NUTM2D: variants seen among roughly 807,000 people sequenced by gnomAD.
The protein encoded by NUTM2D is NUT family member 2D.
In NUTM2D, 2 loss-of-function variants were observed where a neutral mutation model predicts 43.5. The ratio of observed to expected loss-of-function variants is 0.05; its 90% CI spans 0.02 to 0.14. NUTM2D has a LOEUF of 0.14. Among genes scored for constraint, NUTM2D ranks in the 10% least tolerant of loss-of-function variants. The pLI is 1.00. For synonymous variants in NUTM2D, 24 were observed against 276.6 expected (o/e 0.09, Z 9.06); for missense variants, 48 against 668.7 (o/e 0.07, Z 10.24).
Position 87,366,606 on chromosome 10 carries a change from C to CTGG in NUTM2D, c.2107_2109dup (p.Trp703dup). The CTGG allele has an allele frequency of 1.6e-6, 1 of 615,750 alleles. No homozygotes were observed. The highest frequency in any genetic ancestry group is 2.9e-6 in the Non-Finnish European group (1 of 342,256). The allele number at this position is 615,750 out of a possible 1,614,324, so 38.1% of individuals were successfully genotyped here. On this transcript the variant is annotated inframe_insertion, in exon 7 of 7. Transcript: ENST00000381697. ...TGGGTTCCCAGCACAAGCTTCTGCC[C>CTGG]TGGTGGCTACCCCAGAGCCCTGTCC...
intron 1 of NUTM2D, among the ~76,000 whole-genome samples, chr10:87,359,928 C>T (rs1206414553): frequency 1.9e-4 from 29 of 152,356 alleles, no homozygotes; most frequent in African/African-American, 5.8e-4. Flanking sequence ...GTTCCTAGGG[C>T]GCTGGCTTGG....
At chr10:87,369,934 C>T (rs1197240718), downstream of NUTM2D, 2 of 152,018 alleles carry the variant, frequency 1.3e-5, no homozygotes, top group African/African-American at 2.4e-5. Flanking sequence ...GGCTTGCCCC[C>T]GTTAGTGAAC....
At chr10:87,369,804 A>G (rs1170989640), downstream of NUTM2D, 1 of 151,446 alleles carries the variant, frequency 6.6e-6, no homozygotes, top group Non-Finnish European at 1.5e-5. Context: ...TCTGGGAACC[A>G]GTGCGGCTGG....
downstream of NUTM2D, chr10:87,367,196 T>C (rs1850309727): frequency 1.7e-6 from 2 of 1,173,176 alleles, no homozygotes; most frequent in Non-Finnish European, 1.2e-6. Context: ...TCTTGGAAAA[T>C]GCTCTTGGGG....
At position 87,366,746 on chromosome 10, in the gene NUTM2D, A is replaced by C; in HGVS notation, c.2243A>C (p.Lys748Thr). The C allele has an allele frequency of 7.3e-7, 1 of 1,378,292 alleles. No individual in the cohort carries two copies. The highest frequency in any genetic ancestry group is 1.0e-6 in the Non-Finnish European group (1 of 995,880). 85.4% of individuals were successfully genotyped at this position (1,378,292 alleles called of 1,614,324 possible). A position where few individuals can be genotyped will look rare whatever the true frequency, so the allele number is the denominator to read the frequency against. ...CCTTCTCCTGCCAACAAGGCCAAGA[A>C]GCGACCTCTCTTTGGAAGCCTGTCC... ...LAPSPANKAKKRPLFGSLSPA... is the reference protein window; with the variant it reads ...LAPSPANKAKTRPLFGSLSPA... The change falls in exon 7 of 7, where the codon AAG becomes ACG. Residue 748 changes from lysine to threonine, a missense_variant. Coordinates refer to ENST00000381697, the MANE Select transcript of NUTM2D (RefSeq NM_001382304.1).
At position 87,359,806 on chromosome 10, in the gene NUTM2D, C is replaced by T. The variant is rs1273947700; in HGVS notation, c.167-675C>T. 5.3e-5 allele frequency among the ~76,000 whole-genome samples: 8 copies of T among 150,324 alleles called. No homozygotes were observed. In the South Asian group the frequency reaches 8.4e-4, roughly 16 times the overall value. ...CTTCCTGAGTGGCAGCCGGGACCAT[C>T]GAGTACTGCGGAAAGGGTGGCCCGA... On this transcript the variant is annotated intron_variant, in intron 1 of 6. Transcript: ENST00000381697.
chr10:87,366,092 GC>G (rs1850295045), intron 6 of NUTM2D, 46 bp from the exon 7 acceptor site: 1 of 1,434,034 alleles, frequency 7.0e-7, no homozygotes, highest in South Asian at 1.2e-5. Context: ...CCTGGGCCCC[GC>G]TCACACCTGG....
At chr10:87,370,410 A>G (rs1169939231), downstream of NUTM2D, 3 of 152,220 alleles carry the variant, frequency 2.0e-5, no homozygotes, top group African/African-American at 7.2e-5. Context: ...ACCATTTTAT[A>G]TACCCACTAG....
chr10:87,367,430 T>G, downstream of NUTM2D: 1 of 1,575,628 alleles, frequency 6.3e-7, no homozygotes, highest in Non-Finnish European at 8.7e-7. Flanking sequence ...TTAGGGAGGC[T>G]TCTTGGGGCC....
At chr10:87,370,301 T>G (rs1026938550), downstream of NUTM2D, 4 of 152,240 alleles carry the variant, frequency 2.6e-5, no homozygotes, top group African/African-American at 9.6e-5. Context: ...ATGTTTCCAT[T>G]TCTCATGGCT....
rs1254589191 is a variant in NUTM2D, at chr10:87,361,608, A to G, written c.866+428A>G. Among the ~76,000 whole-genome samples the G allele has an allele frequency of 3.8e-5, 2 of 52,912 alleles. 1 individual carries two copies. Among genetic ancestry groups the G allele is most frequent in the Non-Finnish European group, 8.3e-5 (2 of 23,954 alleles). 34.7% of individuals were successfully genotyped at this position (52,912 alleles called of 152,430 possible). Reference sequence around the variant, plus strand: ...CTGCAGGGCCCAGCAGGAACCTGGCACATGCCCGCAGTTCCGCTGAGGTCC... The same window carrying G: ...CTGCAGGGCCCAGCAGGAACCTGGCGCATGCCCGCAGTTCCGCTGAGGTCC... On this transcript the variant is annotated intron_variant, in intron 2 of 6. Transcript: ENST00000381697.
chr10:87,369,889 G>A (rs1419980757), downstream of NUTM2D: 6 of 152,138 alleles, frequency 3.9e-5, no homozygotes, highest in East Asian at 1.2e-3. Flanking sequence ...AGAAGCCATA[G>A]CCTCCTGGGA....
downstream of NUTM2D, chr10:87,367,514 G>T: frequency 1.6e-6 from 1 of 638,102 alleles, no homozygotes; most frequent in Non-Finnish European, 2.7e-6. Context: ...CTGCTCGGTG[G>T]GAGCTGAGGA....
chr10:87,367,438 G>A (rs1483351481), downstream of NUTM2D: 16 of 1,556,838 alleles, frequency 1.0e-5, 1 homozygote, highest in Non-Finnish European at 1.1e-5. Flanking sequence ...GCTTCTTGGG[G>A]CCCCCTCATC....
downstream of NUTM2D, chr10:87,368,771 G>GGTGAT (rs1238173447): frequency 1.7e-5 from 1 of 60,498 alleles, no homozygotes; most frequent in Non-Finnish European, 3.5e-5. Context: ...GTCACTGGTG[G>GGTGAT]GTGATGTGGG....
downstream of NUTM2D, chr10:87,370,236 G>A (rs1850342005): frequency 6.6e-6 from 1 of 151,816 alleles, no homozygotes; most frequent in South Asian, 2.1e-4. Flanking sequence ...TCACTTTTTG[G>A]CTATTGTGAA....
chr10:87,360,873 G>A lies in NUTM2D; in HGVS notation c.559G>A (p.Ala187Thr). 1.3e-6 allele frequency: 1 copy of A among 778,112 alleles called. No homozygotes were observed. Among genetic ancestry groups the A allele is most frequent in the South Asian group, 1.9e-5 (1 of 51,876 alleles). The allele number at this position is 778,112 out of a possible 1,614,324, so 48.2% of individuals were successfully genotyped here. A position where few individuals can be genotyped will look rare whatever the true frequency, so the allele number is the denominator to read the frequency against. ...AGCTGCTCCTGTGGTGCCTGTTATG[G>A]CTGCCCAGGTGGTTGGGGGCACCCA... ...LAAAPVVPVM[A>T]AQVVGGTQAC... The change falls in exon 2 of 7, where the codon GCT becomes ACT. Residue 187 changes from alanine (A) to threonine (T), a missense_variant. Coordinates refer to ENST00000381697, the MANE Select transcript of NUTM2D (RefSeq NM_001382304.1).
chr10:87,360,600 G>A lies in NUTM2D; in HGVS notation c.286G>A (p.Ala96Thr). 2.1e-6 allele frequency: 1 copy of A among 481,132 alleles called. No homozygotes were observed. The highest frequency in any genetic ancestry group is 3.4e-5 in the African/African-American group (1 of 29,010). 29.8% of individuals were successfully genotyped at this position (481,132 alleles called of 1,614,324 possible). A position where few individuals can be genotyped will look rare whatever the true frequency, so the allele number is the denominator to read the frequency against. Reference sequence around the variant, plus strand: ...AGCACACGGGCCGCTCCTTGTGACTGCAGGGGCTCCTCCAGGCGGCCCTCT... The same window carrying A: ...AGCACACGGGCCGCTCCTTGTGACTACAGGGGCTCCTCCAGGCGGCCCTCT... The part of the protein sequence containing the change: ...GPAHGPLLVT[A>T]GAPPGGPLVL... Residue 96 changes from alanine to threonine, a missense_variant, in exon 2 of 7, where the codon GCA becomes ACA. By Grantham distance (58) the Ala-to-Thr change is moderately conservative (BLOSUM62 0). Transcript: ENST00000381697.
chr10:87,369,607 C>A (rs1329361714), downstream of NUTM2D: 1 of 152,132 alleles, frequency 6.6e-6, no homozygotes, highest in Non-Finnish European at 1.5e-5. Context: ...CACACCTCCA[C>A]CCCAAGTGCA....
Sources: allele counts gnomAD v4.1 joint callset (sites outside exome capture counted in the v4.1 genomes callset), GRCh38; gene constraint gnomAD v4.1.1; transcripts MANE v1.5; gene names NCBI Gene and HGNC (gene_info 2026-07-23, HGNC 2026-07-21).